The following DMRTA1 variants were observed in gnomAD, a reference collection of about 807,000 sequenced individuals.
DMRTA1 encodes DMRT like family A1, also known as doublesex- and mab-3-related transcription factor A1.
DMRTA1 carries 34 observed loss-of-function variants against 35.2 expected under a neutral mutation model. That is an observed-to-expected ratio of 0.97 (90% CI 0.74 to 1.29). The LOEUF (loss-of-function observed/expected upper bound fraction) is 1.29. Ranked by LOEUF, DMRTA1 falls within the 50% of genes most tolerant of loss-of-function variation. The probability of loss-of-function intolerance (pLI) is 0.00; values close to 1 mark genes in which losing one functional copy is unlikely to be tolerated. For synonymous variants in DMRTA1, 344 were observed against 276.6 expected, an observed-to-expected ratio of 1.24 and a Z score of -2.42; for missense variants, 824 against 644.6, an observed-to-expected ratio of 1.28 and a Z score of -3.01.
rs79227698 is a variant in DMRTA1, at chr9:22,450,863, A to G, written c.668-201A>G. Among the ~76,000 whole-genome samples the G allele has an allele frequency of 5.4e-3, 817 of 152,328 alleles. 13 individuals carry two copies. The highest frequency in any genetic ancestry group is 0.017 in the African/African-American group (726 of 41,576). The stretch of plus-strand genomic sequence containing the variant: ...TGTGATTCTGAGATGATATAATAGT[A>G]TACTTTTCACTATTCCAGCACCTGC... On this transcript the variant is annotated intron_variant, in intron 1 of 1. Coordinates refer to ENST00000325870, the MANE Select transcript of DMRTA1 (RefSeq NM_022160.3).
Position 22,451,210 on chromosome 9 carries a change from A to G in DMRTA1, c.814A>G (p.Asn272Asp). The G allele has an allele frequency of 6.2e-7, 1 of 1,614,144 alleles. No homozygotes were observed. The highest frequency in any genetic ancestry group is 8.5e-7 in the Non-Finnish European group (1 of 1,179,986). Residue 272 changes from asparagine to aspartate, a missense_variant, in exon 2 of 2, where the codon AAC (asparagine) becomes GAC (aspartate). Coordinates refer to ENST00000325870, the MANE Select transcript of DMRTA1 (RefSeq NM_022160.3). Reference sequence around the variant, plus strand: ...CGGGTCATCTATTTCAGAATACTCCAACAAGCCTGATAGTATCCTGTCTCC... The same window carrying G: ...CGGGTCATCTATTTCAGAATACTCCGACAAGCCTGATAGTATCCTGTCTCC... The part of the protein sequence containing the change: ...SIGSSISEYS[N>D]KPDSILSPHP...
intron 1 of DMRTA1, among the ~76,000 whole-genome samples, chr9:22,447,970 G>C (rs1283346404): frequency 6.6e-6 from 1 of 152,158 alleles, no homozygotes; most frequent in African/African-American, 2.4e-5. Flanking sequence ...ATGAAAAAAT[G>C]AAGCATGGGT....
rs1818944406 is a variant in DMRTA1 at position 22,452,356 on chromosome 9, T to TA, written c.*445_*446insA. The TA allele has an allele frequency of 6.5e-6, 1 of 153,146 alleles. No homozygotes were observed. The highest frequency in any genetic ancestry group is 1.9e-4 in the East Asian group (1 of 5,214). The allele number at this position is 153,146 out of a possible 1,614,324, so 9.5% of individuals were successfully genotyped here. ...AAGGCAATTCTAAATAATTACCATT[T>TA]CAAAACTGTTTCTTCTATTCCTGGT... On this transcript the variant is annotated 3_prime_UTR_variant, in exon 2 of 2. Transcript: ENST00000325870.
rs374281598 is a variant in DMRTA1 at position 22,451,721 on chromosome 9, C to A, written c.1325C>A (p.Ser442Tyr). The change falls in exon 2 of 2, where the codon TCT becomes TAT. Residue 442 changes from serine (S) to tyrosine (Y), a missense_variant. Transcript: ENST00000325870. ...ATCAGTCCATTAAGGCTGGCATATT[C>A]TTCTGCAGGAAGAGGGTTATCTGGT... ...VGISPLRLAY[S>Y]SAGRGLSGFM... The A allele has an allele frequency of 7.1e-5, 114 of 1,613,972 alleles. No homozygotes were observed. Among genetic ancestry groups the A allele is most frequent in the Non-Finnish European group, 9.3e-5 (110 of 1,179,946 alleles).
intron 1 of DMRTA1, 116 bp downstream of exon 1, chr9:22,447,848 T>A: frequency 7.8e-7 from 1 of 1,281,912 alleles, no homozygotes; most frequent in Non-Finnish European, 1.1e-6. Flanking sequence ...AGAAACACTT[T>A]AAGTTTTGGG....
In DMRTA1 at chr9:22,447,245, G is replaced by GGCCGCC. The variant is rs748435300; in HGVS notation, c.189_194dup (p.Ala66_Ala67dup). The GGCCGCC allele has an allele frequency of 2.1e-5, 32 of 1,505,256 alleles. No homozygotes were observed. The highest frequency in any genetic ancestry group is 1.9e-4 in the East Asian group (7 of 36,664). The allele number at this position is 1,505,256 out of a possible 1,614,324, so 93.2% of individuals were successfully genotyped here. A position where few individuals can be genotyped will look rare whatever the true frequency, so the allele number is the denominator to read the frequency against. ...GCCTCTTTCTGCGAGCAGCGGCCGCGGCCGCCGCCGCCGCTGCCGCCACCT... is the reference window on the plus strand; with the variant it reads ...GCCTCTTTCTGCGAGCAGCGGCCGCGGCCGCCGCCGCCGCCGCCGCTGCCGCCACCT... On this transcript the variant is annotated inframe_insertion, in exon 1 of 2. Coordinates refer to ENST00000325870, the MANE Select transcript of DMRTA1 (RefSeq NM_022160.3).
Position 22,447,035 on chromosome 9 carries a change from C to G in DMRTA1, c.-31C>G, listed in dbSNP as rs1472449340. ...TTAGCTGCGGTCAGCGCACTTTCCACTTGGGACTCCCGGCCAGAAATTTCT... is the reference window on the plus strand; with the variant it reads ...TTAGCTGCGGTCAGCGCACTTTCCAGTTGGGACTCCCGGCCAGAAATTTCT... On this transcript the variant is annotated 5_prime_UTR_variant, in exon 1 of 2. Coordinates refer to ENST00000325870, the MANE Select transcript of DMRTA1 (RefSeq NM_022160.3). 1.3e-6 allele frequency: 2 copies of G among 1,595,334 alleles called. No individual in the cohort carries two copies. Among genetic ancestry groups the G allele is most frequent in the South Asian group, 2.3e-5 (2 of 88,532 alleles).
rs531386425 is a variant in DMRTA1 at position 22,448,742 on chromosome 9, G to A, written c.667+1010G>A. ...ATTGCAGATCTCAACAGATTTTTTC[G>A]CTCAATGGCTGCTTGAAGTTCTACT... On this transcript the variant is annotated intron_variant, in intron 1 of 1. Transcript: ENST00000325870. 3.9e-5 allele frequency among the ~76,000 whole-genome samples: 6 copies of A among 152,012 alleles called. No homozygotes were observed. In the East Asian group the frequency reaches 7.7e-4, roughly 20 times the overall value.
Position 22,451,230 on chromosome 9 carries a change from G to A in DMRTA1, c.834G>A (p.Leu278=), listed in dbSNP as rs34324424. 9 of 1,614,052 alleles carry A rather than the reference G, an allele frequency of 5.6e-6. No homozygotes were observed. The South Asian group carries it at 8.8e-5, about 16-fold the overall frequency. The change falls in exon 2 of 2, where the codon CTG becomes CTA. Residue 278 remains leucine (L), a synonymous_variant. Coordinates refer to ENST00000325870, the MANE Select transcript of DMRTA1 (RefSeq NM_022160.3). ...ACTCCAACAAGCCTGATAGTATCCTGTCTCCTCATCCTGGAGAGCAATCAG... is the reference window on the plus strand; with the variant it reads ...ACTCCAACAAGCCTGATAGTATCCTATCTCCTCATCCTGGAGAGCAATCAG... ...SEYSNKPDSI[L]SPHPGEQSGG...
chr9:22,447,052 G>C lies in DMRTA1; in HGVS notation c.-14G>C. On this transcript the variant is annotated 5_prime_UTR_variant, in exon 1 of 2. Transcript: ENST00000325870. ...ACTTTCCACTTGGGACTCCCGGCCAGAAATTTCTCGGGAATGGAGCGGTCA... is the reference window on the plus strand; with the variant it reads ...ACTTTCCACTTGGGACTCCCGGCCACAAATTTCTCGGGAATGGAGCGGTCA... The C allele has an allele frequency of 6.2e-7, 1 of 1,604,876 alleles. No homozygotes were observed. Among genetic ancestry groups the C allele is most frequent in the Non-Finnish European group, 8.5e-7 (1 of 1,176,464 alleles).
At chr9:22,449,448 T>C (rs1166704779) in intron 1 of DMRTA1, among the ~76,000 whole-genome samples, 1 of 152,222 alleles carries the variant, frequency 6.6e-6, no homozygotes, top group Non-Finnish European at 1.5e-5. Context: ...CCATATTTTC[T>C]AAATAATCTT....
rs1029541487 is a variant in DMRTA1, at chr9:22,447,299, C to T, written c.234C>T (p.Pro78=). ...TSGSGGCPPA[P]GLESGVGAVG... ...GAAGCGGAGGCTGCCCGCCGGCTCC[C>T]GGGCTGGAGAGCGGGGTAGGCGCGG... Residue 78 remains proline (P), a synonymous_variant, in exon 1 of 2, where the codon CCC becomes CCT. Transcript: ENST00000325870. The T allele has an allele frequency of 2.7e-6, 4 of 1,509,110 alleles. No homozygotes were observed. Among genetic ancestry groups the T allele is most frequent in the African/African-American group, 1.5e-5 (1 of 68,716 alleles). 93.5% of individuals were successfully genotyped at this position (1,509,110 alleles called of 1,614,324 possible). A position where few individuals can be genotyped will look rare whatever the true frequency, so the allele number is the denominator to read the frequency against.
rs1031605825 is a variant in DMRTA1 at position 22,454,852 on chromosome 9, C to T, written c.*2941C>T. 6.6e-6 allele frequency: 1 copy of T among 152,098 alleles called. No homozygotes were observed. Among genetic ancestry groups the T allele is most frequent in the Admixed American group, 6.5e-5 (1 of 15,268 alleles). 9.4% of individuals were successfully genotyped at this position (152,098 alleles called of 1,614,324 possible). On this transcript the variant is annotated 3_prime_UTR_variant, in exon 2 of 2. Coordinates refer to ENST00000325870, the MANE Select transcript of DMRTA1 (RefSeq NM_022160.3). The stretch of plus-strand genomic sequence containing the variant: ...CTCGTATGATAAAGCATCTGGAACT[C>T]ATTGAAAAATGCATGTAGAAAATAC...
intron 1 of DMRTA1, among the ~76,000 whole-genome samples, chr9:22,449,384 G>C (rs998638045): frequency 2.6e-5 from 4 of 152,164 alleles, no homozygotes; most frequent in Non-Finnish European, 5.9e-5. Context: ...AAAGCAAGCT[G>C]TAGGACTTGA....
At chr9:22,447,913 A>G (rs1321967911) in intron 1 of DMRTA1, among the ~76,000 whole-genome samples, 181 bp downstream of exon 1, 1 of 152,144 alleles carries the variant, frequency 6.6e-6, no homozygotes, top group Non-Finnish European at 1.5e-5. Context: ...CATCGCCTTC[A>G]CTTTGGAGGA....
chr9:22,448,340 G>T (rs1456161296), intron 1 of DMRTA1, among the ~76,000 whole-genome samples: 1 of 152,152 alleles, frequency 6.6e-6, no homozygotes, highest in Non-Finnish European at 1.5e-5. Flanking sequence ...GCTTGATGTG[G>T]GGAAGAGACT....
In DMRTA1 at chr9:22,453,321, A is replaced by G. The variant is rs1022331185; in HGVS notation, c.*1410A>G. 4 of 152,138 alleles carry G rather than the reference A, an allele frequency of 2.6e-5. No individual in the cohort carries two copies. The highest frequency in any genetic ancestry group is 1.3e-4 in the Admixed American group (2 of 15,284). 9.4% of individuals were successfully genotyped at this position (152,138 alleles called of 1,614,324 possible). On this transcript the variant is annotated 3_prime_UTR_variant, in exon 2 of 2. Transcript: ENST00000325870. ...TGCACATATATAAGTCTATGTAGAC[A>G]TACATTAAACCCCTATAGGTTATAT...
In DMRTA1 at chr9:22,454,820, T is replaced by TG. The variant is rs1360838047; in HGVS notation, c.*2911dup. Reference sequence around the variant, plus strand: ...AGTTAACAGCTGTCCAAGAGTGTAGTGGCTGCCTCGTATGATAAAGCATCT... The same window carrying TG: ...AGTTAACAGCTGTCCAAGAGTGTAGTGGGCTGCCTCGTATGATAAAGCATCT... On this transcript the variant is annotated 3_prime_UTR_variant, in exon 2 of 2. Transcript: ENST00000325870. 6.6e-6 allele frequency: 1 copy of TG among 152,166 alleles called. No homozygotes were observed. Among genetic ancestry groups the TG allele is most frequent in the African/African-American group, 2.4e-5 (1 of 41,446 alleles). The allele number at this position is 152,166 out of a possible 1,614,324, so 9.4% of individuals were successfully genotyped here.
Position 22,447,540 on chromosome 9 carries a change from C to T in DMRTA1, c.475C>T (p.Leu159Phe). ...EESEARGLQR[L>F]LCSGLSWPPG... ...GAGCGAAGCCCGGGGGCTACAGAGG[C>T]TCCTGTGCTCGGGGCTCTCCTGGCC... Residue 159 changes from leucine to phenylalanine, a missense_variant, in exon 1 of 2, where the codon CTC (leucine) becomes TTC (phenylalanine). By Grantham distance (22) the Leu-to-Phe change is conservative. Coordinates refer to ENST00000325870, the MANE Select transcript of DMRTA1 (RefSeq NM_022160.3). 6.3e-7 allele frequency: 1 copy of T among 1,585,650 alleles called. No homozygotes were observed. The highest frequency in any genetic ancestry group is 8.6e-7 in the Non-Finnish European group (1 of 1,166,526).
Sources: allele counts gnomAD v4.1 joint callset (sites outside exome capture counted in the v4.1 genomes callset), GRCh38; gene constraint gnomAD v4.1.1; transcripts MANE v1.5; gene names NCBI Gene and HGNC (gene_info 2026-07-23, HGNC 2026-07-21).